Variants in POU6F2 observed in about 807,000 individuals in gnomAD.
POU6F2 encodes the protein POU domain, class 6, transcription factor 2.
In POU6F2, 31 loss-of-function variants were observed where a neutral mutation model predicts 71.3. The ratio of observed to expected loss-of-function variants is 0.43; its 90% CI spans 0.33 to 0.59. The LOEUF (loss-of-function observed/expected upper bound fraction) is 0.59. Ranked by LOEUF, POU6F2 falls within the 20% of genes least tolerant of loss-of-function variation. The probability of loss-of-function intolerance (pLI) is 0.04; values close to 1 mark genes in which losing one functional copy is unlikely to be tolerated. For missense variants in POU6F2, 783 were observed against 856.8 expected (o/e 0.91, Z 1.07); for synonymous variants, 347 against 355.7 (o/e 0.98, Z 0.27).
chr7:39,048,614 T>C lies in POU6F2; in HGVS notation c.106-37246T>C, dbSNP rs771028732. On this transcript the variant is annotated intron_variant, in intron 1 of 9. Transcript: ENST00000518318. Reference sequence around the variant, plus strand: ...GATGGGCATCTAGGTTGATTCCATATCGTTGTTATTGTGAATAGTGCTGCA... The same window carrying C: ...GATGGGCATCTAGGTTGATTCCATACCGTTGTTATTGTGAATAGTGCTGCA... 7.5e-4 allele frequency among the ~76,000 whole-genome samples: 114 copies of C among 151,994 alleles called. 2 individuals are homozygous for C. Among genetic ancestry groups the C allele is most frequent in the Non-Finnish European group, 1.8e-4 (12 of 67,942 alleles).
rs559337793 is a variant in POU6F2 at position 39,172,598 on chromosome 7, A to G, written c.278-31637A>G. ...GAAGACAGAAATTATCAGAATTATC[A>G]GAGGCCTGACTCTTCAGGTCCCCCT... is the stretch of plus-strand genomic sequence containing the variant. On this transcript the variant is annotated intron_variant, in intron 2 of 9. Coordinates refer to ENST00000518318, the MANE Select transcript of POU6F2 (RefSeq NM_001370959.1). Among the ~76,000 whole-genome samples the G allele has an allele frequency of 2.8e-4, 41 of 146,968 alleles. 1 individual carries two copies. Among genetic ancestry groups the G allele is most frequent in the Non-Finnish European group, 5.7e-4 (38 of 67,118 alleles).
chr7:39,176,558 T>C (rs775476688), intron 2 of POU6F2, among the ~76,000 whole-genome samples: 3 of 152,132 alleles, frequency 2.0e-5, no homozygotes, highest in Non-Finnish European at 4.4e-5. Context: ...TCCAGAAAGA[T>C]AGGGAGAGCC....
At chr7:39,209,897 AG>A (rs1470782387) in intron 4 of POU6F2, among the ~76,000 whole-genome samples, 1 of 152,208 alleles carries the variant, frequency 6.6e-6, no homozygotes, top group African/African-American at 2.4e-5. Context: ...AGACTGAGCT[AG>A]TCTTCAGGAT....
intron 1 of POU6F2, among the ~76,000 whole-genome samples, chr7:39,015,377 A>G (rs1348668060): frequency 1.6e-5 from 2 of 128,200 alleles, no homozygotes; most frequent in African/African-American, 6.2e-5. Context: ...TATATTATGT[A>G]TAATATATAA....
intron 1 of POU6F2, among the ~76,000 whole-genome samples, chr7:39,039,466 A>T (rs1790134765): frequency 6.6e-6 from 1 of 152,006 alleles, no homozygotes; most frequent in Non-Finnish European, 1.5e-5. Flanking sequence ...AACTAATTGC[A>T]TTCACTTAAA....
chr7:39,111,785 C>T (rs1008998700), intron 2 of POU6F2, among the ~76,000 whole-genome samples: 5 of 152,102 alleles, frequency 3.3e-5, no homozygotes, highest in Admixed American at 6.6e-5. Context: ...ATGAAACAGT[C>T]AACCTGCAGA....
chr7:39,082,794 G>GCACACACACACACACA (rs35710081), intron 1 of POU6F2, among the ~76,000 whole-genome samples: 3 of 137,078 alleles, frequency 2.2e-5, no homozygotes, highest in African/African-American at 5.5e-5. Flanking sequence ...ACCATGTCAT[G>GCACACACACACACACA]CACACACACA....
intron 2 of POU6F2, among the ~76,000 whole-genome samples, chr7:39,173,088 A>T (rs953448434): frequency 1.3e-5 from 2 of 152,248 alleles, no homozygotes; most frequent in Admixed American, 1.3e-4. Context: ...CAATATACCC[A>T]AAAGATTATC....
At chr7:39,136,166 C>T (rs1179263288) in intron 2 of POU6F2, among the ~76,000 whole-genome samples, 2 of 151,958 alleles carry the variant, frequency 1.3e-5, no homozygotes, top group African/African-American at 4.8e-5. Flanking sequence ...TACTTTTGCC[C>T]AAATTAACAA....
At chr7:39,448,294 C>T (rs1473816805) in intron 7 of POU6F2, among the ~76,000 whole-genome samples, 3 of 152,134 alleles carry the variant, frequency 2.0e-5, no homozygotes, top group Admixed American at 2.0e-4. Flanking sequence ...TTAACAGATA[C>T]ACATTTACAC....
intron 7 of POU6F2, among the ~76,000 whole-genome samples, chr7:39,451,039 A>G (rs1212985696): frequency 6.6e-6 from 1 of 152,162 alleles, no homozygotes; most frequent in East Asian, 1.9e-4. Flanking sequence ...TAGAGTCTGT[A>G]AGAGGAGGAA....
chr7:39,113,994 T>C (rs957380177), intron 2 of POU6F2, among the ~76,000 whole-genome samples: 2 of 152,124 alleles, frequency 1.3e-5, no homozygotes, highest in Non-Finnish European at 2.9e-5. Flanking sequence ...AGTGTATCTC[T>C]TAAGAAATGG....
At chr7:39,388,110 T>C (rs535781601) in intron 5 of POU6F2, among the ~76,000 whole-genome samples, 43 of 152,334 alleles carry the variant, frequency 2.8e-4, no homozygotes, top group Non-Finnish European at 3.2e-4. Flanking sequence ...AGAGGTTTTT[T>C]GGTGAAAGCA....
intron 1 of POU6F2, among the ~76,000 whole-genome samples, chr7:39,077,089 T>C (rs1046140321): frequency 6.6e-6 from 1 of 152,150 alleles, no homozygotes; most frequent in African/African-American, 2.4e-5. Flanking sequence ...TTATGAAGAG[T>C]GTATGAATAT....
chr7:39,451,749 G>T (rs567886497), intron 8 of POU6F2, 48 bp downstream of exon 8: 1 of 1,502,868 alleles, frequency 6.7e-7, no homozygotes, highest in Non-Finnish European at 9.1e-7. Flanking sequence ...CCTTCTTGTT[G>T]CCTATTTGCA....
intron 1 of POU6F2, among the ~76,000 whole-genome samples, chr7:38,987,766 G>A (rs76191094): frequency 6.6e-6 from 1 of 151,886 alleles, no homozygotes; most frequent in Middle Eastern, 3.2e-3. Context: ...CTTTAATTAC[G>A]TCACCTCACA....
intron 4 of POU6F2, among the ~76,000 whole-genome samples, chr7:39,316,983 A>G (rs1785281354): frequency 6.6e-6 from 1 of 152,216 alleles, no homozygotes; most frequent in Non-Finnish European, 1.5e-5. Context: ...AAAGCTTCCC[A>G]GTGACATGGG....
At chr7:39,272,302 C>T (rs535557389) in intron 4 of POU6F2, among the ~76,000 whole-genome samples, 38 of 152,274 alleles carry the variant, frequency 2.5e-4, no homozygotes, top group African/African-American at 8.7e-4. Flanking sequence ...GCTAATCCCT[C>T]CTCCACTCCC....
intron 5 of POU6F2, among the ~76,000 whole-genome samples, chr7:39,376,665 T>A (rs1786715997): frequency 6.6e-6 from 1 of 152,212 alleles, no homozygotes; most frequent in Admixed American, 6.5e-5. Context: ...CAGGGACTCC[T>A]ACAACTGTAA....
Sources: gnomAD v4.1 joint callset for allele counts (sites outside exome capture counted in the v4.1 genomes callset) on GRCh38, gnomAD v4.1.1 for gene constraint, MANE v1.5 for transcripts, NCBI Gene and HGNC (gene_info 2026-07-23, HGNC 2026-07-21) for gene names.